SKIL: variants seen among roughly 807,000 people sequenced by gnomAD.
The protein encoded by SKIL is SKI like proto-oncogene, also known as ski-like protein.
Under a neutral mutation model 69.6 loss-of-function variants are expected in SKIL, and 20 were observed. The ratio of observed to expected loss-of-function variants is 0.29; its 90% CI spans 0.20 to 0.42. SKIL has a LOEUF of 0.42. Among genes scored for constraint, SKIL ranks in the 10% least tolerant of loss-of-function variants. The probability of loss-of-function intolerance (pLI) is 1.00; values close to 1 mark genes in which losing one functional copy is unlikely to be tolerated. For missense variants in SKIL, 745 were observed against 783.1 expected, an observed-to-expected ratio of 0.95 and a Z score of 0.58; for synonymous variants, 310 against 279.9, an observed-to-expected ratio of 1.11 and a Z score of -1.08.
At chr3:170,372,789 G>A (rs1024164674) in intron 2 of SKIL, among the ~76,000 whole-genome samples, 6 of 152,098 alleles carry the variant, frequency 3.9e-5, no homozygotes, top group Non-Finnish European at 5.9e-5. Context: ...GGTTGCTAAT[G>A]ATTTATTTTG....
At chr3:170,378,938 G>T (rs1279363601) in intron 2 of SKIL, among the ~76,000 whole-genome samples, 2 of 151,726 alleles carry the variant, frequency 1.3e-5, no homozygotes, top group Non-Finnish European at 2.9e-5. Flanking sequence ...GTGCGGTGGT[G>T]CAATCTCGGC....
chr3:170,384,965 G>A (rs1577439750), intron 4 of SKIL, 200 bp downstream of exon 4: 1 of 414,932 alleles, frequency 2.4e-6, no homozygotes, highest in Non-Finnish European at 4.3e-6. Context: ...TAGCTCAGGA[G>A]ACTGAGATAG....
chr3:170,380,597 C>T (rs1353398149), intron 2 of SKIL, among the ~76,000 whole-genome samples: 4 of 151,446 alleles, frequency 2.6e-5, no homozygotes, highest in Middle Eastern at 3.4e-3. Flanking sequence ...GAGCCAAGAT[C>T]GCGCCACTGC....
chr3:170,390,733 G>A (rs555226834), intron 5 of SKIL, among the ~76,000 whole-genome samples: 1 of 152,242 alleles, frequency 6.6e-6, no homozygotes, highest in African/African-American at 2.4e-5. Context: ...ACCAGCCTTG[G>A]CCTCCCAAAG....
intron 2 of SKIL, among the ~76,000 whole-genome samples, chr3:170,365,752 CT>C (rs59222162): frequency 3.4e-4 from 36 of 106,452 alleles, no homozygotes; most frequent in African/African-American, 1.2e-3. Context: ...TCAAACTAGG[CT>C]TTTTTTTTTT....
chr3:170,377,656 C>G (rs1737101969), intron 2 of SKIL, among the ~76,000 whole-genome samples: 1 of 142,874 alleles, frequency 7.0e-6, no homozygotes, highest in African/African-American at 2.6e-5. Context: ...TCAAGCGATT[C>G]TCCTGCCTCA....
At chr3:170,376,622 C>CT (rs1737047655) in intron 2 of SKIL, among the ~76,000 whole-genome samples, 1 of 152,136 alleles carries the variant, frequency 6.6e-6, no homozygotes, top group African/African-American at 2.4e-5. Flanking sequence ...GTCACCCAGG[C>CT]TGGAGTGCCA....
At chr3:170,378,993 C>A (rs1169469156) in intron 2 of SKIL, among the ~76,000 whole-genome samples, 2 of 152,068 alleles carry the variant, frequency 1.3e-5, no homozygotes, top group Non-Finnish European at 2.9e-5. Context: ...TCTCCTGCCT[C>A]AGCCTCCCGA....
At chr3:170,382,036 C>G (rs141931077) in intron 3 of SKIL, among the ~76,000 whole-genome samples, 1 of 151,466 alleles carries the variant, frequency 6.6e-6, no homozygotes, top group Non-Finnish European at 1.5e-5. Flanking sequence ...GAGCCGAGAT[C>G]GCGTCATTGC....
At chr3:170,368,707 G>A (rs115624460) in intron 2 of SKIL, among the ~76,000 whole-genome samples, 1 of 152,228 alleles carries the variant, frequency 6.6e-6, no homozygotes, top group African/African-American at 2.4e-5. Context: ...GGGTTCAAAT[G>A]TATCTCATTT....
rs139998121 is a variant in SKIL, at chr3:170,369,294, G to A, written c.1098+7865G>A. On this transcript the variant is annotated intron_variant, in intron 2 of 6. Transcript: ENST00000259119. ...GAAGAAAAACAAAAAAGAGATGGCC[G>A]TGTTTTCAGAGTAGGCCTGGATCAT... Among the ~76,000 whole-genome samples the A allele has an allele frequency of 4.0e-3, 604 of 152,238 alleles. 2 individuals are homozygous for A. In the Middle Eastern group the frequency reaches 0.051, roughly 13 times the overall value.
rs1299560327 is a variant in SKIL, at chr3:170,360,676, C to T, written c.345C>T (p.Ser115=). The change falls in exon 2 of 7, where the codon AGC becomes AGT. Residue 115 remains serine (S), a synonymous_variant. Coordinates refer to ENST00000259119, the MANE Select transcript of SKIL (RefSeq NM_005414.5). ...AAFSARHSQE[S]MSPTVFLPLP... is the part of the protein sequence containing the mutation. The stretch of plus-strand genomic sequence containing the variant: ...TTTCTGCTCGGCATTCCCAAGAAAG[C>T]ATGTCGCCTACTGTATTTCTGCCTC... 4 of 1,614,102 alleles carry T rather than the reference C, an allele frequency of 2.5e-6. No individual in the cohort carries two copies. Among genetic ancestry groups the T allele is most frequent in the Non-Finnish European group, 3.4e-6 (4 of 1,180,042 alleles).
At chr3:170,365,084 T>C (rs1736434051) in intron 2 of SKIL, among the ~76,000 whole-genome samples, 1 of 152,204 alleles carries the variant, frequency 6.6e-6, no homozygotes, top group Non-Finnish European at 1.5e-5. Context: ...TTTATTATGC[T>C]TACCACTTCA....
rs1333524425 is a variant in SKIL, at chr3:170,359,781, G to C, written c.-551G>C. The C allele has an allele frequency of 6.6e-6, 1 of 152,218 alleles. No homozygotes were observed. The highest frequency in any genetic ancestry group is 2.4e-5 in the African/African-American group (1 of 41,410). 9.4% of individuals were successfully genotyped at this position (152,218 alleles called of 1,614,324 possible). On this transcript the variant is annotated 5_prime_UTR_variant, in exon 2 of 7. Coordinates refer to ENST00000259119, the MANE Select transcript of SKIL (RefSeq NM_005414.5). Reference sequence around the variant, plus strand: ...TCGGAGGCTGTTCTTACTGGTGTGAGGATTTACACACGTCTTCAGTTTTTC... The same window carrying C: ...TCGGAGGCTGTTCTTACTGGTGTGACGATTTACACACGTCTTCAGTTTTTC...
chr3:170,377,954 C>T (rs1003185835), intron 2 of SKIL, among the ~76,000 whole-genome samples: 1 of 151,866 alleles, frequency 6.6e-6, no homozygotes, highest in Non-Finnish European at 1.5e-5. Context: ...AGTGCAATGG[C>T]GCCGTCTCGG....
chr3:170,393,455 G>T lies in SKIL; in HGVS notation c.*1038G>T, dbSNP rs1738027668. On this transcript the variant is annotated 3_prime_UTR_variant, in exon 7 of 7. Coordinates refer to ENST00000259119, the MANE Select transcript of SKIL (RefSeq NM_005414.5). ...TTAATATCAAAATCAGGAATTTACAGTCAACTGATAGTACATGATAGGTGC... is the reference window on the plus strand; with the variant it reads ...TTAATATCAAAATCAGGAATTTACATTCAACTGATAGTACATGATAGGTGC... 6.6e-6 allele frequency: 1 copy of T among 152,148 alleles called. No individual in the cohort carries two copies. Among genetic ancestry groups the T allele is most frequent in the African/African-American group, 2.4e-5 (1 of 41,428 alleles). The allele number at this position is 152,148 out of a possible 1,614,324, so 9.4% of individuals were successfully genotyped here. A position where few individuals can be genotyped will look rare whatever the true frequency, so the allele number is the denominator to read the frequency against.
At chr3:170,381,745 C>A (rs1001564778) in intron 3 of SKIL, among the ~76,000 whole-genome samples, 1 of 151,244 alleles carries the variant, frequency 6.6e-6, no homozygotes, top group African/African-American at 2.4e-5. Context: ...GAATTTATTT[C>A]TTTATTTTCA....
intron 2 of SKIL, among the ~76,000 whole-genome samples, chr3:170,378,853 A>C (rs1388053171): frequency 0.011 from 13 of 1,186 alleles, no homozygotes; most frequent in African/African-American, 0.012. Context: ...AGCTTCTTTT[A>C]TTTATTTATT....
In SKIL at chr3:170,371,402, G is replaced by T. The variant is rs578014444; in HGVS notation, c.1099-9842G>T. On this transcript the variant is annotated intron_variant, in intron 2 of 6. Coordinates refer to ENST00000259119, the MANE Select transcript of SKIL (RefSeq NM_005414.5). ...CACGCCTGTAATTAGAGCTACTTGG[G>T]AGGCTGAGGCAGGAGAATTGCTTGA... Among the ~76,000 whole-genome samples the T allele has an allele frequency of 3.3e-5, 5 of 152,284 alleles. No homozygotes were observed. The South Asian group carries it at 1.0e-3, about 32-fold the overall frequency.
Sources: allele counts gnomAD v4.1 joint callset (sites outside exome capture counted in the v4.1 genomes callset), GRCh38; gene constraint gnomAD v4.1.1; transcripts MANE v1.5; gene names NCBI Gene and HGNC (gene_info 2026-07-23, HGNC 2026-07-21).